The following SLC4A8 variants were observed in gnomAD, a reference collection of about 807,000 sequenced individuals.
SLC4A8 encodes the protein electroneutral sodium bicarbonate exchanger 1.
A neutral mutation model predicts 125.0 loss-of-function variants in SLC4A8; 40 were observed. That is an observed-to-expected ratio of 0.32 (90% CI 0.25 to 0.42). The LOEUF is 0.42. SLC4A8 is among the 10% of genes least tolerant of loss of function. The pLI, the probability that SLC4A8 is intolerant of heterozygous loss-of-function variation, is 1.00. For missense variants in SLC4A8, 863 were observed against 1,355.1 expected (o/e 0.64, Z 5.70); for synonymous variants, 456 against 476.0 (o/e 0.96, Z 0.55).
intron 16 of SLC4A8, among the ~76,000 whole-genome samples, chr12:51,476,495 TA>T (rs1047983173): frequency 2.3e-4 from 33 of 143,334 alleles, no homozygotes; most frequent in East Asian, 6.0e-4. Flanking sequence ...ATAAAAAAGT[TA>T]AAAAAAAAAA....
intron 19 of SLC4A8, among the ~76,000 whole-genome samples, chr12:51,490,274 G>A (rs1951273032): frequency 6.6e-6 from 1 of 152,028 alleles, no homozygotes; most frequent in African/African-American, 2.4e-5. Context: ...ATGAGGTGGA[G>A]GCCAGGCGCG....
At chr12:51,410,948 C>G (rs1474048668) in intron 1 of SLC4A8, among the ~76,000 whole-genome samples, 1 of 147,320 alleles carries the variant, frequency 6.8e-6, no homozygotes, top group East Asian at 2.0e-4. Context: ...GATCATAACT[C>G]ACTGTAACCT....
At chr12:51,433,428 T>G (rs1464678276) in intron 1 of SLC4A8, among the ~76,000 whole-genome samples, 1 of 152,146 alleles carries the variant, frequency 6.6e-6, no homozygotes, top group African/African-American at 2.4e-5. Context: ...TCCTTTTTCT[T>G]AAGCTTATAT....
chr12:51,483,930 A>T (rs557867750), intron 16 of SLC4A8, among the ~76,000 whole-genome samples: 7 of 151,870 alleles, frequency 4.6e-5, no homozygotes, highest in South Asian at 2.1e-4. Flanking sequence ...GATGTTCCCC[A>T]TCCTGTGTCC....
intron 16 of SLC4A8, among the ~76,000 whole-genome samples, chr12:51,479,323 T>C (rs986113911): frequency 4.6e-5 from 7 of 152,218 alleles, no homozygotes; most frequent in Non-Finnish European, 1.0e-4. Context: ...AAAAATGGAT[T>C]GTCTTCAATT....
chr12:51,504,701 G>A (rs1357283402), intron 23 of SLC4A8, among the ~76,000 whole-genome samples: 2 of 152,198 alleles, frequency 1.3e-5, no homozygotes, highest in African/African-American at 4.8e-5. Flanking sequence ...AATAGTCAAT[G>A]TTAGCCTGGC....
chr12:51,452,158 C>A lies in SLC4A8; in HGVS notation c.312C>A (p.Gly104=), dbSNP rs1461191819. ...TPSQRVQFIL[G]TEEDEEHVPH... Reference sequence around the variant, plus strand: ...CTCAGCGTGTTCAGTTCATTCTTGGCACCGAGGAAGATGAAGAGCATGTGC... The same window carrying A: ...CTCAGCGTGTTCAGTTCATTCTTGGAACCGAGGAAGATGAAGAGCATGTGC... The change falls in exon 4 of 25, where the codon GGC becomes GGA. Residue 104 remains glycine (G), a synonymous_variant. Coordinates refer to ENST00000453097, the MANE Select transcript of SLC4A8 (RefSeq NM_001039960.3). The A allele has an allele frequency of 1.2e-6, 2 of 1,614,090 alleles. No homozygotes were observed. Among genetic ancestry groups the A allele is most frequent in the African/African-American group, 1.3e-5 (1 of 75,028 alleles).
chr12:51,453,427 A>G (rs1224373106), intron 4 of SLC4A8, 112 bp from the exon 5 acceptor site: 11 of 1,082,396 alleles, frequency 1.0e-5, no homozygotes, highest in Admixed American at 4.6e-5. Context: ...TAGATTTTAC[A>G]ATGTTCAGTA....
Position 51,453,800 on chromosome 12 carries a change from G to A in SLC4A8, c.574+101G>A, listed in dbSNP as rs1038771559. 23 of 1,182,652 alleles carry A rather than the reference G, an allele frequency of 1.9e-5. No homozygotes were observed. The South Asian group carries it at 2.9e-4, about 15-fold the overall frequency. 73.3% of individuals were successfully genotyped at this position (1,182,652 alleles called of 1,614,324 possible). ...ACAGAAAGAATACAGTGGGTTGTGT[G>A]TCCTTGGGCAAGCCACAACCTTCCT... On this transcript the variant is annotated intron_variant, in intron 5 of 24. Transcript: ENST00000453097.
chr12:51,444,676 CATCGTGTCTTTTCTGAAGAATAACCTA>C (rs1400452026), intron 2 of SLC4A8, among the ~76,000 whole-genome samples: 1 of 152,108 alleles, frequency 6.6e-6, no homozygotes, highest in Non-Finnish European at 1.5e-5. Context: ...ACAATTGAAC[CATCGTGTCTTTTCTGAAGAATAACCTA>C]GCCTGAAACT....
Position 51,440,649 on chromosome 12 carries a change from G to A in SLC4A8, c.49-59G>A, listed in dbSNP as rs1011823869. 4 of 1,314,824 alleles carry A rather than the reference G, an allele frequency of 3.0e-6. No homozygotes were observed. In the African/African-American group the frequency reaches 5.9e-5, roughly 20 times the overall value. 81.4% of individuals were successfully genotyped at this position (1,314,824 alleles called of 1,614,324 possible). On this transcript the variant is annotated intron_variant, in intron 1 of 24. Transcript: ENST00000453097. Reference sequence around the variant, plus strand: ...CTCAAAAGGATCTGGCATACACAAGGTTTGTATATTTGAACGAGGTATGTG... The same window carrying A: ...CTCAAAAGGATCTGGCATACACAAGATTTGTATATTTGAACGAGGTATGTG...
chr12:51,515,097 T>C lies in SLC4A8; in HGVS notation c.*7659T>C, dbSNP rs1306872086. 1.3e-5 allele frequency: 2 copies of C among 152,262 alleles called. No individual in the cohort carries two copies. Among genetic ancestry groups the C allele is most frequent in the Non-Finnish European group, 2.9e-5 (2 of 68,048 alleles). The allele number at this position is 152,262 out of a possible 1,614,324, so 9.4% of individuals were successfully genotyped here. A position where few individuals can be genotyped will look rare whatever the true frequency, so the allele number is the denominator to read the frequency against. ...AGAGAGAACTCACCCATGGCACTTT[T>C]CTGAGCCCAGCAGAAATCAGCGGAG... On this transcript the variant is annotated 3_prime_UTR_variant, in exon 25 of 25. Coordinates refer to ENST00000453097, the MANE Select transcript of SLC4A8 (RefSeq NM_001039960.3).
At chr12:51,430,232 T>C (rs79856056) in intron 1 of SLC4A8, among the ~76,000 whole-genome samples, 6,544 of 152,140 alleles carry the variant, frequency 0.043, 445 homozygotes, top group African/African-American at 0.13. Flanking sequence ...TGTCTTATGA[T>C]GGACCTGAAA....
intron 22 of SLC4A8, among the ~76,000 whole-genome samples, chr12:51,499,546 C>A: frequency 6.6e-6 from 1 of 151,460 alleles, no homozygotes; most frequent in Non-Finnish European, 1.5e-5. Context: ...CCACATGGAG[C>A]TTACATTCTC....
intron 16 of SLC4A8, among the ~76,000 whole-genome samples, chr12:51,485,146 G>A (rs74460151): frequency 0.029 from 4,376 of 152,250 alleles, 189 homozygotes; most frequent in East Asian, 0.1. Flanking sequence ...AGGCCAAGAA[G>A]GCCTTTTGAC....
chr12:51,433,867 TTTTTTTTTTTTG>T (rs1949292046), intron 1 of SLC4A8, among the ~76,000 whole-genome samples: 2 of 136,436 alleles, frequency 1.5e-5, no homozygotes, highest in African/African-American at 2.9e-5. Context: ...TTTTTTTTTT[TTTTTTTTTTTTG>T]GTTGGTTTTT....
chr12:51,458,581 T>G lies in SLC4A8; in HGVS notation c.786T>G (p.Ser262=), dbSNP rs1215747395. The G allele has an allele frequency of 6.2e-7, 1 of 1,613,544 alleles. No individual in the cohort carries two copies. The highest frequency in any genetic ancestry group is 8.5e-7 in the Non-Finnish European group (1 of 1,179,556). Reference sequence around the variant, plus strand: ...TAGGTCAAACCGTGTCTCCTCAGTCTGTTCCAACTACAAATCTTGAAGTAA... The same window carrying G: ...TAGGTCAAACCGTGTCTCCTCAGTCGGTTCCAACTACAAATCTTGAAGTAA... The part of the protein sequence containing the change: ...DKHGQTVSPQ[S]VPTTNLEVKN... Residue 262 remains serine, a synonymous_variant, in exon 7 of 25, where the codon TCT becomes TCG. Transcript: ENST00000453097.
intron 19 of SLC4A8, among the ~76,000 whole-genome samples, chr12:51,493,384 TTGTG>T (rs747205789): frequency 4.0e-4 from 59 of 149,342 alleles, no homozygotes; most frequent in Non-Finnish European, 5.7e-4. Context: ...AGGGGTGCGT[TTGTG>T]TGTGTGTGTG....
At position 51,412,564 on chromosome 12, in the gene SLC4A8, C is replaced by G. The variant is rs1178781397; in HGVS notation, c.-112+21076C>G. On this transcript the variant is annotated intron_variant, in intron 1 of 24. Coordinates refer to the SLC4A8 transcript ENST00000358657. ...CTGTAGGCTTTTGTCCATTAACCAACCTCTGTTCATTCCCCACCTGCCCCT... is the reference window on the plus strand; with the variant it reads ...CTGTAGGCTTTTGTCCATTAACCAAGCTCTGTTCATTCCCCACCTGCCCCT... 3.3e-5 allele frequency among the ~76,000 whole-genome samples: 5 copies of G among 152,318 alleles called. No individual in the cohort carries two copies. The East Asian group carries it at 9.6e-4, about 29-fold the overall frequency.
Sources: allele counts gnomAD v4.1 joint callset (sites outside exome capture counted in the v4.1 genomes callset), GRCh38; gene constraint gnomAD v4.1.1; transcripts MANE v1.5; gene names NCBI Gene and HGNC (gene_info 2026-07-23, HGNC 2026-07-21).